The following CDK19 variants were observed in gnomAD, a reference collection of about 807,000 sequenced individuals.
CDK19 encodes the protein cyclin dependent kinase 19, also known as cyclin-dependent kinase 19.
In CDK19, 20 loss-of-function variants were observed where a neutral mutation model predicts 68.3. The ratio of observed to expected loss-of-function variants is 0.29; its 90% CI spans 0.21 to 0.43. The LOEUF is 0.43. Ranked by LOEUF, CDK19 falls within the 20% of genes least tolerant of loss-of-function variation. The probability of loss-of-function intolerance (pLI) is 1.00; values close to 1 mark genes in which losing one functional copy is unlikely to be tolerated. For missense variants in CDK19, 339 were observed against 623.5 expected (o/e 0.54, Z 4.86); for synonymous variants, 221 against 222.8 (o/e 0.99, Z 0.07).
At position 110,773,537 on chromosome 6, in the gene CDK19, C is replaced by T. The variant is rs529240217; in HGVS notation, c.129-27336G>A. On this transcript the variant is annotated intron_variant, in intron 1 of 12. Transcript: ENST00000368911. ...GAATTATGACTTGGACAAGTTCCCA[C>T]GAAGAAATCAGAGTAAAGCTAGGTC... is the stretch of plus-strand genomic sequence containing the variant. 8.5e-5 allele frequency among the ~76,000 whole-genome samples: 13 copies of T among 152,118 alleles called. No individual in the cohort carries two copies. In the East Asian group the frequency reaches 9.6e-4, roughly 11 times the overall value.
chr6:110,724,482 T>C (rs1204075813), intron 2 of CDK19, among the ~76,000 whole-genome samples: 1 of 152,208 alleles, frequency 6.6e-6, no homozygotes, highest in Non-Finnish European at 1.5e-5. Flanking sequence ...TTTTACTGTA[T>C]GGTTCTCGGT....
At chr6:110,646,597 GA>G (rs1483414051) in intron 4 of CDK19, 14 of 688,708 alleles carry the variant, frequency 2.0e-5, no homozygotes, top group Non-Finnish European at 3.0e-5. Flanking sequence ...GCCAACGGCG[GA>G]GGGGGCGGGG....
At chr6:110,776,637 C>A (rs1780419375) in intron 1 of CDK19, among the ~76,000 whole-genome samples, 1 of 152,280 alleles carries the variant, frequency 6.6e-6, no homozygotes, top group South Asian at 2.1e-4. Context: ...ATATGCCCAG[C>A]CTCAGCTGTA....
chr6:110,771,819 A>G (rs978090793), intron 1 of CDK19, among the ~76,000 whole-genome samples: 3 of 152,184 alleles, frequency 2.0e-5, no homozygotes, highest in East Asian at 3.8e-4. Flanking sequence ...CTCAAGTTCA[A>G]AGTTCCACAA....
chr6:110,792,564 C>T (rs1303770038), intron 1 of CDK19, among the ~76,000 whole-genome samples: 1 of 152,118 alleles, frequency 6.6e-6, no homozygotes, highest in Non-Finnish European at 1.5e-5. Context: ...CGTGCCACCA[C>T]GCCCGGCTAA....
chr6:110,768,836 A>C (rs1477288123), intron 1 of CDK19, among the ~76,000 whole-genome samples: 2 of 152,112 alleles, frequency 1.3e-5, no homozygotes, highest in East Asian at 3.9e-4. Context: ...AACCCATAGA[A>C]TATACCTAAT....
At chr6:110,801,597 C>T (rs920065994) in intron 1 of CDK19, among the ~76,000 whole-genome samples, 12 of 152,196 alleles carry the variant, frequency 7.9e-5, no homozygotes, top group African/African-American at 2.6e-4. Context: ...CTGCAAGCTC[C>T]GCCTCCCAGG....
intron 1 of CDK19, among the ~76,000 whole-genome samples, chr6:110,775,276 T>C (rs1780322108): frequency 6.6e-6 from 1 of 151,816 alleles, no homozygotes; most frequent in Non-Finnish European, 1.5e-5. Context: ...ATAAAAGAAA[T>C]TAGGTGGAAA....
chr6:110,803,043 C>T (rs1701980481), intron 1 of CDK19, among the ~76,000 whole-genome samples: 2 of 152,032 alleles, frequency 1.3e-5, no homozygotes, highest in Non-Finnish European at 2.9e-5. Flanking sequence ...GTGACAAGGA[C>T]AGCCTCCGGC....
In CDK19 at chr6:110,666,374, G is replaced by A. The variant is rs1480161300; in HGVS notation, c.456+1060C>T. Reference sequence around the variant, plus strand: ...CAGGAGGCGGAGGTTGCAGTGAGCCGAGATGGCGCCACTGCACTCCAGCCT... The same window carrying A: ...CAGGAGGCGGAGGTTGCAGTGAGCCAAGATGGCGCCACTGCACTCCAGCCT... On this transcript the variant is annotated intron_variant, in intron 4 of 12. Transcript: ENST00000368911. Among the ~76,000 whole-genome samples, 4 of 132,672 alleles carry A rather than the reference G, an allele frequency of 3.0e-5. 1 individual carries two copies. In the South Asian group the frequency reaches 7.7e-4, roughly 26 times the overall value. The allele number at this position is 132,672 out of a possible 152,430, so 87.0% of individuals were successfully genotyped here.
chr6:110,642,508 A>ATCT (rs1780270669), intron 4 of CDK19, among the ~76,000 whole-genome samples: 1 of 152,210 alleles, frequency 6.6e-6, no homozygotes. Context: ...GAGAAGAGAA[A>ATCT]GGCAATAAAT....
intron 2 of CDK19, chr6:110,706,999 T>TAAAAAAAA (rs35488029): frequency 7.6e-6 from 1 of 132,192 alleles, no homozygotes. Context: ...CTTTTACAGT[T>TAAAAAAAA]AAAAAAAAAA....
intron 2 of CDK19, among the ~76,000 whole-genome samples, chr6:110,741,720 T>A (rs556970462): frequency 1.3e-5 from 2 of 151,224 alleles, no homozygotes; most frequent in African/African-American, 4.8e-5. Flanking sequence ...TGATTTCTCA[T>A]CAGAAACCAC....
chr6:110,626,725 G>A (rs775092852), intron 8 of CDK19, 51 bp downstream of exon 8: 1 of 1,088,526 alleles, frequency 9.2e-7, no homozygotes, highest in East Asian at 2.4e-5. Context: ...CCAGTCTAAG[G>A]TATTTTTTTA....
At chr6:110,616,092 G>A (rs760956889) in intron 12 of CDK19, among the ~76,000 whole-genome samples, 3 of 152,166 alleles carry the variant, frequency 2.0e-5, no homozygotes, top group South Asian at 4.1e-4. Context: ...TGAGGAGGCT[G>A]ATAATAAAAC....
At chr6:110,786,072 A>G (rs933530308) in intron 1 of CDK19, among the ~76,000 whole-genome samples, 2 of 151,956 alleles carry the variant, frequency 1.3e-5, no homozygotes, top group African/African-American at 2.4e-5. Flanking sequence ...ATGTTTTGGT[A>G]TGGTACCATT....
Position 110,622,806 on chromosome 6 carries a change from G to C in CDK19, c.1031+9C>G. 1.3e-6 allele frequency: 2 copies of C among 1,550,352 alleles called. No homozygotes were observed. The highest frequency in any genetic ancestry group is 1.8e-6 in the Non-Finnish European group (2 of 1,121,688). On this transcript the variant is annotated intron_variant, in intron 10 of 12. Transcript: ENST00000368911. ...GGAGCAAAGGACACAGAAAAGACAGGATACATACTCTAATGTTGGCAAAGG... is the reference window on the plus strand; with the variant it reads ...GGAGCAAAGGACACAGAAAAGACAGCATACATACTCTAATGTTGGCAAAGG...
intron 1 of CDK19, among the ~76,000 whole-genome samples, chr6:110,754,708 C>T (rs1333240997): frequency 1.3e-5 from 2 of 152,054 alleles, no homozygotes; most frequent in Non-Finnish European, 1.5e-5. Flanking sequence ...TCTCGATCTC[C>T]TGACCTCGTG....
Position 110,815,222 on chromosome 6 carries a change from C to G in CDK19, c.-86G>C. 1 of 1,375,890 alleles carries G rather than the reference C, an allele frequency of 7.3e-7. No homozygotes were observed. The highest frequency in any genetic ancestry group is 3.1e-5 in the Admixed American group (1 of 31,862). 85.2% of individuals were successfully genotyped at this position (1,375,890 alleles called of 1,614,324 possible). A position where few individuals can be genotyped will look rare whatever the true frequency, so the allele number is the denominator to read the frequency against. On this transcript the variant is annotated 5_prime_UTR_variant, in exon 1 of 13. Coordinates refer to ENST00000368911, the MANE Select transcript of CDK19 (RefSeq NM_015076.5). ...TCCTCCCCCCGCGACCGCCGCTCCA[C>G]TTCTCCAACAGCCGCCTCTCGCGCG...
Sources: gnomAD v4.1 joint callset for allele counts (sites outside exome capture counted in the v4.1 genomes callset) on GRCh38, gnomAD v4.1.1 for gene constraint, MANE v1.5 for transcripts, NCBI Gene and HGNC (gene_info 2026-07-23, HGNC 2026-07-21) for gene names.